The following ABCB1 variants were observed in gnomAD, a reference collection of about 807,000 sequenced individuals.
ABCB1 encodes ATP binding cassette subfamily B member 1.
In ABCB1, 69 loss-of-function variants were observed where a neutral mutation model predicts 142.0. The observed-to-expected ratio is 0.49, with a 90% CI of 0.40 to 0.59. The LOEUF (loss-of-function observed/expected upper bound fraction) is 0.59, where lower values mean the gene tolerates loss of function less well. ABCB1 is among the 20% of genes least tolerant of loss of function. The pLI is 0.00. For missense variants in ABCB1, 1,326 were observed against 1,554.7 expected, an observed-to-expected ratio of 0.85 and a Z score of 2.47; for synonymous variants, 532 against 539.2, an observed-to-expected ratio of 0.99 and a Z score of 0.18.
At chr7:87,547,335 C>T (rs1236059603) in intron 14 of ABCB1, among the ~76,000 whole-genome samples, 2 of 152,108 alleles carry the variant, frequency 1.3e-5, no homozygotes, top group Non-Finnish European at 2.9e-5. Flanking sequence ...GGAATTTCCC[C>T]TCAAAATTTA....
At chr7:87,584,525 C>T (rs949293035) in intron 4 of ABCB1, among the ~76,000 whole-genome samples, 4 of 152,018 alleles carry the variant, frequency 2.6e-5, no homozygotes, top group African/African-American at 9.7e-5. Context: ...TCAACCCATT[C>T]CTCCCCAATC....
chr7:87,627,732 T>G (rs1343863796), intron 1 of ABCB1: 1 of 152,268 alleles, frequency 6.6e-6, no homozygotes, highest in Non-Finnish European at 1.5e-5. Context: ...CTGGGCTTAC[T>G]ATTCCCAGAC....
At chr7:87,698,222 C>A (rs953422156) in intron 1 of ABCB1, among the ~76,000 whole-genome samples, 1 of 152,166 alleles carries the variant, frequency 6.6e-6, no homozygotes, top group Non-Finnish European at 1.5e-5. Flanking sequence ...GCCTCAGCCT[C>A]CCGAGTAGCT....
intron 4 of ABCB1, among the ~76,000 whole-genome samples, chr7:87,580,747 T>A (rs1312350824): frequency 6.6e-6 from 1 of 152,098 alleles, no homozygotes; most frequent in African/African-American, 2.4e-5. Context: ...TCTTTTTTCT[T>A]TTGTCTCCTC....
chr7:87,626,099 T>TAG (rs199877301), intron 1 of ABCB1, among the ~76,000 whole-genome samples: 2 of 95,512 alleles, frequency 2.1e-5, no homozygotes, highest in Admixed American at 1.0e-4. Flanking sequence ...TATATATATA[T>TAG]TGTCATATAT....
intron 1 of ABCB1, chr7:87,710,455 T>A (rs1183088925): frequency 1.6e-6 from 1 of 633,916 alleles, no homozygotes; most frequent in East Asian, 3.0e-5. Flanking sequence ...TCTTAGTCGT[T>A]ATCAAATGTA....
chr7:87,672,985 C>T (rs988171357), intron 1 of ABCB1, among the ~76,000 whole-genome samples: 1 of 152,160 alleles, frequency 6.6e-6, no homozygotes, highest in African/African-American at 2.4e-5. Context: ...TGCTTCTGGT[C>T]GGCCATCCTG....
chr7:87,605,036 C>T (rs1184373230), upstream of ABCB1, among the ~76,000 whole-genome samples: 1 of 152,194 alleles, frequency 6.6e-6, no homozygotes, highest in African/African-American at 2.4e-5. Context: ...GAGAGTATGA[C>T]ATCAGAGGCA....
intron 18 of ABCB1, among the ~76,000 whole-genome samples, chr7:87,540,985 C>A (rs1816508216): frequency 6.6e-6 from 1 of 152,056 alleles, no homozygotes; most frequent in African/African-American, 2.4e-5. Flanking sequence ...TTTGTTGTTG[C>A]TTTTAGAACA....
intron 3 of ABCB1, among the ~76,000 whole-genome samples, chr7:87,587,735 T>C (rs535795845): frequency 5.3e-5 from 8 of 151,532 alleles, no homozygotes; most frequent in African/African-American, 9.7e-5. Context: ...ATTAGCCGGA[T>C]GTGGTGGCAG....
chr7:87,590,532 G>A (rs970178016), intron 3 of ABCB1, among the ~76,000 whole-genome samples: 1 of 152,180 alleles, frequency 6.6e-6, no homozygotes, highest in African/African-American at 2.4e-5. Context: ...TCCATGATGA[G>A]ACTTCAGTGA....
intron 1 of ABCB1, among the ~76,000 whole-genome samples, chr7:87,688,560 A>G (rs996930219): frequency 1.3e-5 from 2 of 152,006 alleles, no homozygotes; most frequent in Admixed American, 6.6e-5. Flanking sequence ...TAATTTTTAT[A>G]TAAACCCATT....
intron 1 of ABCB1, among the ~76,000 whole-genome samples, chr7:87,695,926 T>C (rs1696542773): frequency 6.6e-6 from 1 of 152,036 alleles, no homozygotes; most frequent in African/African-American, 2.4e-5. Flanking sequence ...TCACAGGCAA[T>C]TTTTAGGTCC....
At chr7:87,593,295 C>A (rs1429928674) in intron 3 of ABCB1, among the ~76,000 whole-genome samples, 1 of 152,260 alleles carries the variant, frequency 6.6e-6, no homozygotes, top group East Asian at 1.9e-4. Flanking sequence ...TGTCACATTT[C>A]CTCACTTGCT....
intron 19 of ABCB1, 54 bp downstream of exon 19, chr7:87,539,214 G>A: frequency 1.9e-6 from 3 of 1,551,376 alleles, no homozygotes; most frequent in Non-Finnish European, 2.7e-6. Flanking sequence ...TGAGTCCAAG[G>A]GGCACACATG....
chr7:87,710,275 A>C (rs913659801), intron 1 of ABCB1, among the ~76,000 whole-genome samples: 7 of 152,192 alleles, frequency 4.6e-5, no homozygotes, highest in Non-Finnish European at 8.8e-5. Flanking sequence ...TTATATAATT[A>C]CATCATGTAA....
chr7:87,689,620 T>G (rs1477644950), intron 1 of ABCB1, among the ~76,000 whole-genome samples: 2 of 152,186 alleles, frequency 1.3e-5, no homozygotes, highest in Non-Finnish European at 2.9e-5. Context: ...AAAGTAAATA[T>G]TTCTCATTTT....
chr7:87,671,933 C>G (rs1252093148), intron 1 of ABCB1, among the ~76,000 whole-genome samples: 1 of 152,054 alleles, frequency 6.6e-6, no homozygotes, highest in East Asian at 1.9e-4. Context: ...TGCTGGAGGC[C>G]CTGGTTGGGA....
At chr7:87,638,371 G>GTGTGTGTGTA (rs1554449115) in intron 1 of ABCB1, among the ~76,000 whole-genome samples, 6 of 151,642 alleles carry the variant, frequency 4.0e-5, no homozygotes, top group Non-Finnish European at 8.8e-5. Context: ...GTGTGTGTGT[G>GTGTGTGTGTA]TGTGTGTGTT....
Sources: gnomAD v4.1 joint callset for allele counts (sites outside exome capture counted in the v4.1 genomes callset) on GRCh38, gnomAD v4.1.1 for gene constraint, MANE v1.5 for transcripts, NCBI Gene and HGNC (gene_info 2026-07-23, HGNC 2026-07-21) for gene names.